The following ARSB variants were observed in gnomAD, a reference collection of about 807,000 sequenced individuals.
ARSB encodes arylsulfatase B.
In ARSB, 41 loss-of-function variants were observed where a neutral mutation model predicts 50.9. That is an observed-to-expected ratio of 0.81 (90% confidence interval 0.63 to 1.04). ARSB has a LOEUF of 1.04. Among genes scored for constraint, ARSB ranks in the 50% least tolerant of loss-of-function variants. The probability of loss-of-function intolerance (pLI) is 0.00; values close to 1 mark genes in which losing one functional copy is unlikely to be tolerated. For missense variants in ARSB, 672 were observed against 693.3 expected (o/e 0.97, Z 0.35); for synonymous variants, 269 against 284.8 (o/e 0.94, Z 0.56).
chr5:78,834,611 A>ATATATGTG (rs1561447725), intron 6 of ARSB, among the ~76,000 whole-genome samples: 1 of 68,380 alleles, frequency 1.5e-5, no homozygotes, highest in African/African-American at 5.8e-5. Flanking sequence ...ATATGTGTAT[A>ATATATGTG]TATATATATA....
chr5:78,947,972 C>T (rs750577154), intron 4 of ARSB, among the ~76,000 whole-genome samples: 10 of 152,116 alleles, frequency 6.6e-5, no homozygotes, highest in Non-Finnish European at 1.3e-4. Flanking sequence ...ATGAGATCAA[C>T]CACGTGCAAC....
At chr5:78,908,556 C>T (rs560409259) in intron 4 of ARSB, among the ~76,000 whole-genome samples, 1 of 152,176 alleles carries the variant, frequency 6.6e-6, no homozygotes, top group South Asian at 2.1e-4. Flanking sequence ...AGGCTCTGTG[C>T]GGGCAGCCTG....
intron 6 of ARSB, among the ~76,000 whole-genome samples, chr5:78,831,216 C>A (rs1452534760): frequency 6.6e-6 from 1 of 152,044 alleles, no homozygotes; most frequent in Non-Finnish European, 1.5e-5. Context: ...GAAGAACTTA[C>A]CCACAAGCTC....
At chr5:78,806,243 A>AATGGGTGGTTC (rs1743555713) in intron 6 of ARSB, among the ~76,000 whole-genome samples, 2 of 152,238 alleles carry the variant, frequency 1.3e-5, no homozygotes, top group South Asian at 4.1e-4. Context: ...AAAATACAAA[A>AATGGGTGGTTC]CAATAACAAA....
At chr5:78,817,088 G>A (rs2112667284) in intron 6 of ARSB, 2 of 985,420 alleles carry the variant, frequency 2.0e-6, no homozygotes, top group South Asian at 4.7e-5. Context: ...CCCTTCTGTA[G>A]CAGTACCCTC....
chr5:78,902,508 C>T (rs1333604409), intron 4 of ARSB, among the ~76,000 whole-genome samples: 1 of 152,130 alleles, frequency 6.6e-6, no homozygotes, highest in Non-Finnish European at 1.5e-5. Context: ...ACCCAAATAT[C>T]CATTAACTGA....
chr5:78,931,821 G>A (rs1277792307), intron 4 of ARSB, among the ~76,000 whole-genome samples: 1 of 152,078 alleles, frequency 6.6e-6, no homozygotes, highest in African/African-American at 2.4e-5. Flanking sequence ...GGAGGTGACT[G>A]GATCATGGGG....
chr5:78,938,507 G>C (rs1263792768), intron 4 of ARSB, among the ~76,000 whole-genome samples: 2 of 152,196 alleles, frequency 1.3e-5, no homozygotes, highest in African/African-American at 4.8e-5. Flanking sequence ...CACACTCACT[G>C]ATTTATTCAC....
At chr5:78,812,252 G>A (rs992515636) in intron 6 of ARSB, among the ~76,000 whole-genome samples, 6 of 152,182 alleles carry the variant, frequency 3.9e-5, no homozygotes, top group Admixed American at 3.9e-4. Context: ...AAAGGTACAG[G>A]AGAAACACAG....
intron 4 of ARSB, among the ~76,000 whole-genome samples, chr5:78,888,196 A>C (rs1483107554): frequency 6.6e-6 from 1 of 152,182 alleles, no homozygotes; most frequent in Admixed American, 6.5e-5. Flanking sequence ...TCTTGACAAA[A>C]ACTCAAGGCC....
chr5:78,912,601 C>T (rs990071686), intron 4 of ARSB, among the ~76,000 whole-genome samples: 1 of 152,120 alleles, frequency 6.6e-6, no homozygotes, highest in Admixed American at 6.5e-5. Context: ...TCAGGTTTAC[C>T]AATGCAGCAG....
At chr5:78,848,216 C>G (rs192509706) in intron 5 of ARSB, among the ~76,000 whole-genome samples, 1 of 128,338 alleles carries the variant, frequency 7.8e-6, no homozygotes, top group Non-Finnish European at 1.6e-5. Flanking sequence ...TATCCTCCCC[C>G]CTCCCCCCAC....
At chr5:78,949,798 T>G (rs1751420452) in intron 4 of ARSB, among the ~76,000 whole-genome samples, 2 of 151,976 alleles carry the variant, frequency 1.3e-5, no homozygotes, top group South Asian at 4.1e-4. Flanking sequence ...TAATCCCAGC[T>G]ATTTGGGAGG....
chr5:78,947,548 C>T (rs1470058905), intron 4 of ARSB, among the ~76,000 whole-genome samples: 1 of 152,098 alleles, frequency 6.6e-6, no homozygotes, highest in Non-Finnish European at 1.5e-5. Flanking sequence ...ACATGATTGG[C>T]TATCAGAGAA....
rs1301095912 is a variant in ARSB, at chr5:78,780,508, C to G, written c.1491G>C (p.Lys497Asn). The change falls in exon 8 of 8, where the codon AAG becomes AAC. Residue 497 changes from lysine (K) to asparagine (N), a missense_variant. By Grantham distance (94) the Lys-to-Asn change is moderately conservative. Transcript: ENST00000264914. The stretch of plus-strand genomic sequence containing the variant: ...GGTAGAACTGTAGGCGGGACAGGAG[C>G]TTTGTGACGATGTGAGGATATTCTC... The part of the protein sequence containing the change: ...LSREYPHIVT[K>N]LLSRLQFYHK... 1 of 1,613,998 alleles carries G rather than the reference C, an allele frequency of 6.2e-7. No individual in the cohort carries two copies. Among genetic ancestry groups the G allele is most frequent in the African/African-American group, 1.3e-5 (1 of 74,896 alleles).
intron 6 of ARSB, among the ~76,000 whole-genome samples, chr5:78,789,524 C>T (rs1237457046): frequency 6.6e-6 from 1 of 152,186 alleles, no homozygotes; most frequent in Non-Finnish European, 1.5e-5. Flanking sequence ...CCCAGAAAGA[C>T]AGTTCTTAAC....
chr5:78,928,986 G>A (rs574647790), intron 4 of ARSB, among the ~76,000 whole-genome samples: 3 of 152,026 alleles, frequency 2.0e-5, no homozygotes, highest in South Asian at 2.1e-4. Flanking sequence ...CACTCCCCAT[G>A]CCCAAAACGT....
intron 4 of ARSB, among the ~76,000 whole-genome samples, chr5:78,902,154 G>A (rs2112275968): frequency 6.6e-6 from 1 of 152,350 alleles, no homozygotes; most frequent in South Asian, 2.1e-4. Flanking sequence ...GCAAGAGCAA[G>A]AGAGACTGAG....
At chr5:78,984,555 C>T (rs1001737565) in intron 1 of ARSB, among the ~76,000 whole-genome samples, 43 of 152,240 alleles carry the variant, frequency 2.8e-4, no homozygotes, top group African/African-American at 1.0e-3. Flanking sequence ...TTTACCTCTC[C>T]CCTCGTCTTT....
Sources: gnomAD v4.1 joint callset for allele counts (sites outside exome capture counted in the v4.1 genomes callset) on GRCh38, gnomAD v4.1.1 for gene constraint, MANE v1.5 for transcripts, NCBI Gene and HGNC (gene_info 2026-07-23, HGNC 2026-07-21) for gene names.